Variants in NCKAP1L observed in about 807,000 individuals in gnomAD.
NCKAP1L encodes nck-associated protein 1-like.
Under a neutral mutation model 139.2 loss-of-function variants are expected in NCKAP1L, and 53 were observed. The observed-to-expected ratio is 0.38, with a 90% CI of 0.31 to 0.48. The LOEUF is 0.48. NCKAP1L is among the 20% of genes least tolerant of loss of function. The pLI is 0.98. For synonymous variants in NCKAP1L, 468 were observed against 499.7 expected (o/e 0.94, Z 0.85); for missense variants, 1,151 against 1,381.9 (o/e 0.83, Z 2.65).
At chr12:54,537,519 T>C (rs933649302) in intron 29 of NCKAP1L, among the ~76,000 whole-genome samples, 9 of 152,308 alleles carry the variant, frequency 5.9e-5, no homozygotes, top group African/African-American at 2.2e-4. Flanking sequence ...TAGAATATTG[T>C]AGGGTAAATC....
intron 3 of NCKAP1L, among the ~76,000 whole-genome samples, chr12:54,506,796 A>AAAAAATATATATATATATATATAT: frequency 2.2e-4 from 11 of 50,598 alleles, no homozygotes; most frequent in African/African-American, 4.4e-4. Context: ...AAAAAAAAAA[A>AAAAAATATATATATATATATATAT]ATATATATAT....
At position 54,530,734 on chromosome 12, in the gene NCKAP1L, A is replaced by G. The variant is rs115257804; in HGVS notation, c.2507-526A>G. 4.5e-3 allele frequency among the ~76,000 whole-genome samples: 680 copies of G among 152,334 alleles called. 2 individuals are homozygous for G. The highest frequency in any genetic ancestry group is 0.013 in the African/African-American group (527 of 41,574). ...CTGTAAAACCACGATGATCCTTCCTATGCCACATAATTCAGAGGACTCATA... is the reference window on the plus strand; with the variant it reads ...CTGTAAAACCACGATGATCCTTCCTGTGCCACATAATTCAGAGGACTCATA... On this transcript the variant is annotated intron_variant, in intron 22 of 30. Coordinates refer to ENST00000293373, the MANE Select transcript of NCKAP1L (RefSeq NM_005337.5).
chr12:54,537,698 CCTTAGTAGAT>C (rs1015009517), intron 29 of NCKAP1L, among the ~76,000 whole-genome samples: 1 of 152,134 alleles, frequency 6.6e-6, no homozygotes, highest in Non-Finnish European at 1.5e-5. Context: ...AGAGTTTCTA[CCTTAGTAGAT>C]TAGGGTGGGG....
chr12:54,498,828 A>G (rs1956771646), intron 1 of NCKAP1L: 5 of 985,156 alleles, frequency 5.1e-6, no homozygotes, highest in Non-Finnish European at 6.0e-6. Flanking sequence ...TCAAGACAAA[A>G]TGCCTAGGTT....
chr12:54,538,093 G>A (rs59433657), intron 29 of NCKAP1L, among the ~76,000 whole-genome samples: 4,486 of 152,210 alleles, frequency 0.029, 164 homozygotes, highest in African/African-American at 0.085. Context: ...GTATGGTCCC[G>A]ATATAAGAAC....
chr12:54,514,414 C>T (rs530048804), intron 9 of NCKAP1L, among the ~76,000 whole-genome samples: 6 of 152,000 alleles, frequency 3.9e-5, no homozygotes, highest in African/African-American at 7.2e-5. Context: ...CTCCACCTGC[C>T]GGGTTCAAGC....
rs753471094 is a variant in NCKAP1L at position 54,542,695 on chromosome 12, A to G, written c.*10A>G. The G allele has an allele frequency of 1.0e-5, 16 of 1,536,976 alleles. 1 individual carries two copies. In the East Asian group the frequency reaches 3.0e-4, roughly 29 times the overall value. On this transcript the variant is annotated 3_prime_UTR_variant, in exon 31 of 31. Coordinates refer to ENST00000293373, the MANE Select transcript of NCKAP1L (RefSeq NM_005337.5). ...CTTCCACCTAAACTGAATGCCTGCC[A>G]GTACCCACTGAAGAGCCCTTTGGAC...
chr12:54,539,123 C>A, intron 30 of NCKAP1L, 150 bp downstream of exon 30: 1 of 649,968 alleles, frequency 1.5e-6, no homozygotes, highest in Non-Finnish European at 2.7e-6. Context: ...ATGTAGTCCT[C>A]ACATTCTGAT....
chr12:54,540,170 T>C (rs1215744873), intron 30 of NCKAP1L, among the ~76,000 whole-genome samples: 5 of 152,182 alleles, frequency 3.3e-5, no homozygotes, highest in Admixed American at 3.3e-4. Context: ...ATTTAATTAG[T>C]CATGTGGTAT....
intron 20 of NCKAP1L, among the ~76,000 whole-genome samples, chr12:54,526,029 T>G (rs1957022881): frequency 6.6e-6 from 1 of 152,208 alleles, no homozygotes; most frequent in Admixed American, 6.5e-5. Context: ...AGCCCTGGCG[T>G]GCCATGGCTA....
chr12:54,499,417 C>T lies in NCKAP1L; in HGVS notation c.165C>T (p.Leu55=). 1 of 1,612,640 alleles carries T rather than the reference C, an allele frequency of 6.2e-7. No homozygotes were observed. Among genetic ancestry groups the T allele is most frequent in the Non-Finnish European group, 8.5e-7 (1 of 1,178,668 alleles). The part of the protein sequence containing the change: ...FLLEKSMEPS[L]KYINKKFPNI... ...TGGAAAAGTCCATGGAACCATCTCTCAAGTATATCAACAAGAAATTTCCCA... is the reference window on the plus strand; with the variant it reads ...TGGAAAAGTCCATGGAACCATCTCTTAAGTATATCAACAAGAAATTTCCCA... Residue 55 remains leucine, a synonymous_variant, in exon 2 of 31, where the codon CTC becomes CTT. Transcript: ENST00000293373.
intron 22 of NCKAP1L, among the ~76,000 whole-genome samples, chr12:54,529,987 G>C (rs983625284): frequency 2.0e-5 from 3 of 152,124 alleles, no homozygotes; most frequent in Non-Finnish European, 4.4e-5. Context: ...CAAGTTGATC[G>C]GTCAGGAAAT....
intron 22 of NCKAP1L, among the ~76,000 whole-genome samples, chr12:54,529,368 A>T (rs950217223): frequency 6.6e-6 from 1 of 152,082 alleles, no homozygotes; most frequent in African/African-American, 2.4e-5. Flanking sequence ...AAACTACAAG[A>T]TCCTTTTTAA....
intron 29 of NCKAP1L, 63 bp from the exon 30 acceptor site, chr12:54,538,821 C>T (rs771553966): frequency 4.0e-5 from 49 of 1,234,072 alleles, no homozygotes; most frequent in Non-Finnish European, 5.6e-5. Context: ...TAACTTCCTG[C>T]AGCCTGAGGC....
chr12:54,523,979 T>C (rs755088488), intron 20 of NCKAP1L, 23 bp downstream of exon 20: 2 of 1,609,304 alleles, frequency 1.2e-6, no homozygotes, highest in Admixed American at 1.7e-5. Context: ...CCTTGTCCTC[T>C]GTTTGGACAG....
intron 12 of NCKAP1L, 70 bp from the exon 13 acceptor site, chr12:54,517,736 A>G: frequency 8.7e-6 from 14 of 1,602,498 alleles, no homozygotes; most frequent in Non-Finnish European, 1.1e-5. Flanking sequence ...TTCTGCCCTG[A>G]TATCACTGTG....
At chr12:54,537,111 C>T in intron 29 of NCKAP1L, 58 bp downstream of exon 29, 1 of 1,189,340 alleles carries the variant, frequency 8.4e-7, no homozygotes, top group Non-Finnish European at 1.2e-6. Context: ...ATTGGTTTGA[C>T]TTAAATCTGT....
rs759730685 is a variant in NCKAP1L at position 54,521,222 on chromosome 12, G to A, written c.1862G>A (p.Arg621Gln). Residue 621 changes from arginine (R) to glutamine (Q), a missense_variant, in exon 18 of 31, where the codon CGA becomes CAA. Coordinates refer to ENST00000293373, the MANE Select transcript of NCKAP1L (RefSeq NM_005337.5). ...GTCCTGGAGATCTGTGCTGAGCAGC[G>A]AAACCTGAGCGAGCAGGTAGACTCA... ...NCVLEICAEQ[R>Q]NLSEQLLPKH... 6.2e-7 allele frequency: 1 copy of A among 1,613,876 alleles called. No individual in the cohort carries two copies. Among genetic ancestry groups the A allele is most frequent in the African/African-American group, 1.3e-5 (1 of 74,902 alleles).
At chr12:54,534,465 A>C (rs1452528803) in intron 26 of NCKAP1L, among the ~76,000 whole-genome samples, 2 of 152,224 alleles carry the variant, frequency 1.3e-5, no homozygotes, top group Admixed American at 1.3e-4. Flanking sequence ...GATAACTAAC[A>C]CCAGATGCTG....
Sources: allele counts gnomAD v4.1 joint callset (sites outside exome capture counted in the v4.1 genomes callset), GRCh38; gene constraint gnomAD v4.1.1; transcripts MANE v1.5; gene names NCBI Gene and HGNC (gene_info 2026-07-23, HGNC 2026-07-21).